Variants in AUTS2 observed in about 807,000 individuals in gnomAD.
AUTS2 encodes autism susceptibility gene 2 protein.
In AUTS2, 17 loss-of-function variants were observed where a neutral mutation model predicts 112.4. That is an observed-to-expected ratio of 0.15 (90% CI 0.10 to 0.23). AUTS2 has a LOEUF of 0.23. AUTS2 is among the 10% of genes least tolerant of loss of function. AUTS2 has a pLI of 1.00. For synonymous variants in AUTS2, 751 were observed against 702.7 expected, an observed-to-expected ratio of 1.07 and a Z score of -1.09; for missense variants, 1,510 against 1,701.6, an observed-to-expected ratio of 0.89 and a Z score of 1.98.
chr7:69,717,261 A>T (rs910912026), intron 1 of AUTS2, among the ~76,000 whole-genome samples: 2 of 152,192 alleles, frequency 1.3e-5, no homozygotes, highest in Non-Finnish European at 1.5e-5. Context: ...ATTTATTTAT[A>T]TGGGGTCAGG....
intron 1 of AUTS2, among the ~76,000 whole-genome samples, chr7:69,763,589 G>T (rs1788287290): frequency 6.6e-6 from 1 of 152,076 alleles, no homozygotes; most frequent in African/African-American, 2.4e-5. Flanking sequence ...CGAGACTGTG[G>T]GTTTTTATCC....
intron 4 of AUTS2, among the ~76,000 whole-genome samples, chr7:70,223,547 G>T (rs1341066568): frequency 6.6e-6 from 1 of 152,158 alleles, no homozygotes; most frequent in Non-Finnish European, 1.5e-5. Context: ...GTTATATACG[G>T]TATATAATAC....
intron 1 of AUTS2, among the ~76,000 whole-genome samples, chr7:69,819,754 A>G (rs773693692): frequency 1.4e-4 from 21 of 152,158 alleles, no homozygotes; most frequent in Non-Finnish European, 4.4e-5. Flanking sequence ...AATAGCTGGG[A>G]CCATAGGCAC....
chr7:69,662,035 C>T (rs1795823075), intron 1 of AUTS2, among the ~76,000 whole-genome samples: 1 of 152,076 alleles, frequency 6.6e-6, no homozygotes. Flanking sequence ...TTTATTTGCT[C>T]CTTTTATCTT....
intron 1 of AUTS2, among the ~76,000 whole-genome samples, chr7:69,842,027 G>A (rs1321076499): frequency 6.6e-6 from 1 of 152,040 alleles, no homozygotes. Context: ...TAGGCATATG[G>A]GTGTTTGTTT....
chr7:69,965,029 T>C (rs1349312856), intron 2 of AUTS2, among the ~76,000 whole-genome samples: 2 of 152,124 alleles, frequency 1.3e-5, no homozygotes, highest in African/African-American at 2.4e-5. Flanking sequence ...ATGTCACTCA[T>C]CTGCCCTCAT....
intron 5 of AUTS2, among the ~76,000 whole-genome samples, chr7:70,661,639 G>C (rs2129542894): frequency 6.6e-6 from 1 of 152,302 alleles, no homozygotes; most frequent in Middle Eastern, 3.4e-3. Flanking sequence ...TCGAATGCTG[G>C]TGTAGAGCAG....
chr7:70,768,358 G>A (rs987541795), intron 10 of AUTS2, among the ~76,000 whole-genome samples: 3 of 150,892 alleles, frequency 2.0e-5, no homozygotes, highest in African/African-American at 7.3e-5. Context: ...AATGGAGTCA[G>A]TAGAGTTCCA....
At chr7:70,026,771 T>C (rs1800542108) in intron 2 of AUTS2, among the ~76,000 whole-genome samples, 1 of 152,176 alleles carries the variant, frequency 6.6e-6, no homozygotes, top group African/African-American at 2.4e-5. Context: ...TATGTGCTCC[T>C]TTGTTTCTTG....
At chr7:69,637,450 C>T (rs561401848) in intron 1 of AUTS2, among the ~76,000 whole-genome samples, 2 of 152,288 alleles carry the variant, frequency 1.3e-5, no homozygotes, top group African/African-American at 2.4e-5. Context: ...CTGAAATTTA[C>T]GTCAGCCTTA....
At chr7:70,719,934 G>A (rs1411815448) in intron 6 of AUTS2, among the ~76,000 whole-genome samples, 1 of 152,192 alleles carries the variant, frequency 6.6e-6, no homozygotes, top group Non-Finnish European at 1.5e-5. Context: ...TTAACTTAGT[G>A]ACCAGATATT....
intron 1 of AUTS2, among the ~76,000 whole-genome samples, chr7:69,744,123 G>A (rs1184343252): frequency 6.6e-6 from 1 of 152,118 alleles, no homozygotes; most frequent in East Asian, 1.9e-4. Flanking sequence ...GTTCATTCAT[G>A]TTGGCATGTA....
chr7:70,545,774 G>A (rs1316450146), intron 5 of AUTS2, among the ~76,000 whole-genome samples: 1 of 152,174 alleles, frequency 6.6e-6, no homozygotes, highest in East Asian at 1.9e-4. Flanking sequence ...TCTCAGAGCC[G>A]TTTATGTTCC....
chr7:70,172,501 G>A (rs996456164), intron 4 of AUTS2, among the ~76,000 whole-genome samples: 1 of 152,172 alleles, frequency 6.6e-6, no homozygotes, highest in Non-Finnish European at 1.5e-5. Flanking sequence ...TCTAGCTAGA[G>A]TACATCCTTG....
chr7:70,646,834 G>A (rs1400192041), intron 5 of AUTS2, among the ~76,000 whole-genome samples: 6 of 152,210 alleles, frequency 3.9e-5, no homozygotes, highest in African/African-American at 7.2e-5. Context: ...GGCCAGGACC[G>A]GGCCAGCCAG....
At chr7:70,115,483 G>A (rs1805311085) in intron 2 of AUTS2, among the ~76,000 whole-genome samples, 1 of 152,204 alleles carries the variant, frequency 6.6e-6, no homozygotes, top group Non-Finnish European at 1.5e-5. Flanking sequence ...CCATAAAGGT[G>A]TTGATCAAAT....
chr7:70,305,605 A>G (rs900793376), intron 4 of AUTS2, among the ~76,000 whole-genome samples: 2 of 152,244 alleles, frequency 1.3e-5, no homozygotes, highest in Admixed American at 1.3e-4. Context: ...CAATTAGCCA[A>G]TTAATTAAAA....
chr7:69,943,868 GTAA>G (rs1238012905), intron 2 of AUTS2, among the ~76,000 whole-genome samples: 10 of 152,204 alleles, frequency 6.6e-5, no homozygotes, highest in Admixed American at 1.3e-4. Context: ...GTTTTAGCAG[GTAA>G]TGATGGTACT....
intron 5 of AUTS2, among the ~76,000 whole-genome samples, chr7:70,663,228 C>T (rs546578297): frequency 2.0e-5 from 3 of 152,268 alleles, no homozygotes; most frequent in South Asian, 4.2e-4. Context: ...AACCCCGTCT[C>T]TACTAAAAAT....
Sources: gnomAD v4.1 joint callset for allele counts (sites outside exome capture counted in the v4.1 genomes callset) on GRCh38, gnomAD v4.1.1 for gene constraint, MANE v1.5 for transcripts, NCBI Gene and HGNC (gene_info 2026-07-23, HGNC 2026-07-21) for gene names.